SPTLC1: variants seen among roughly 807,000 people sequenced by gnomAD.
SPTLC1 encodes serine palmitoyltransferase 1.
Under a neutral mutation model 68.9 loss-of-function variants are expected in SPTLC1, and 55 were observed. The observed-to-expected ratio is 0.80, with a 90% confidence interval of 0.64 to 1.00. The LOEUF is 1.00. Ranked by LOEUF, SPTLC1 falls within the 50% of genes least tolerant of loss-of-function variation. SPTLC1 has a pLI of 0.00. For missense variants in SPTLC1, 449 were observed against 573.1 expected (o/e 0.78, Z 2.21); for synonymous variants, 197 against 201.6 (o/e 0.98, Z 0.19).
chr9:92,061,647 A>C (rs2118554450), intron 6 of SPTLC1, among the ~76,000 whole-genome samples: 1 of 152,344 alleles, frequency 6.6e-6, no homozygotes, highest in South Asian at 2.1e-4. Flanking sequence ...TGGACAGTTA[A>C]AGCAAAAATT....
At chr9:92,066,705 C>T (rs1453543468) in intron 6 of SPTLC1, among the ~76,000 whole-genome samples, 1 of 152,176 alleles carries the variant, frequency 6.6e-6, no homozygotes, top group Non-Finnish European at 1.5e-5. Flanking sequence ...AAAAAGATTA[C>T]TCTGGCTGTG....
At chr9:92,044,558 A>C (rs925774454) in intron 12 of SPTLC1, among the ~76,000 whole-genome samples, 4 of 152,206 alleles carry the variant, frequency 2.6e-5, no homozygotes, top group Non-Finnish European at 2.9e-5. Flanking sequence ...GAGAGGAGCA[A>C]AGACATGGGG....
intron 2 of SPTLC1, among the ~76,000 whole-genome samples, chr9:92,112,158 C>T (rs931073883): frequency 5.3e-5 from 8 of 152,198 alleles, no homozygotes; most frequent in Admixed American, 4.6e-4. Context: ...TCACACAACA[C>T]TTATGAATAT....
chr9:92,089,519 A>G (rs1167336843), intron 3 of SPTLC1, among the ~76,000 whole-genome samples: 3 of 152,240 alleles, frequency 2.0e-5, no homozygotes, highest in African/African-American at 7.2e-5. Context: ...AAGATAGATT[A>G]AATACCCCAT....
intron 3 of SPTLC1, among the ~76,000 whole-genome samples, chr9:92,083,163 G>A (rs1403780418): frequency 2.0e-5 from 3 of 151,888 alleles, no homozygotes; most frequent in African/African-American, 4.8e-5. Flanking sequence ...TGAGTAGGTT[G>A]TGAAAATTTT....
At chr9:92,077,154 A>G (rs1834710849) in intron 5 of SPTLC1, 1 of 151,916 alleles carries the variant, frequency 6.6e-6, no homozygotes, top group Admixed American at 6.6e-5. Context: ...TTCGAGCCAC[A>G]CCCTGGGAAC....
chr9:92,062,434 A>G (rs1258488733), intron 6 of SPTLC1, among the ~76,000 whole-genome samples: 1 of 152,230 alleles, frequency 6.6e-6, no homozygotes, highest in Non-Finnish European at 1.5e-5. Flanking sequence ...TCCTTCAACA[A>G]CTGATAGAAG....
intron 5 of SPTLC1, among the ~76,000 whole-genome samples, chr9:92,072,658 AT>A (rs1045723589): frequency 4.7e-5 from 7 of 150,094 alleles, no homozygotes; most frequent in African/African-American, 1.7e-4. Context: ...TAAACGTCTA[AT>A]TTTTTTTTTC....
rs987811560 is a variant in SPTLC1 at position 92,032,242 on chromosome 9, T to C, written c.*223A>G. The C allele has an allele frequency of 3.3e-6, 5 of 1,503,520 alleles. No homozygotes were observed. The highest frequency in any genetic ancestry group is 4.2e-5 in the Admixed American group (2 of 47,416). The allele number at this position is 1,503,520 out of a possible 1,614,324, so 93.1% of individuals were successfully genotyped here. A position where few individuals can be genotyped will look rare whatever the true frequency, so the allele number is the denominator to read the frequency against. The stretch of plus-strand genomic sequence containing the variant: ...AGTTATACACTGTCATTAGTTTTCC[T>C]CTTAAAAAAATCAGTTCCTGGGCTT... On this transcript the variant is annotated 3_prime_UTR_variant, in exon 15 of 15. Coordinates refer to ENST00000262554, the MANE Select transcript of SPTLC1 (RefSeq NM_006415.4).
chr9:92,082,518 C>T (rs1466367981), intron 3 of SPTLC1, among the ~76,000 whole-genome samples: 2 of 150,474 alleles, frequency 1.3e-5, no homozygotes, highest in African/African-American at 4.9e-5. Flanking sequence ...CGATAGTTTA[C>T]TGAGAATGAT....
intron 3 of SPTLC1, among the ~76,000 whole-genome samples, chr9:92,096,439 T>TTG (rs1293398805): frequency 1.3e-5 from 2 of 152,180 alleles, no homozygotes; most frequent in East Asian, 3.8e-4. Context: ...TATACAATTT[T>TTG]TATTTAGCAA....
Position 92,080,081 on chromosome 9 carries a change from G to A in SPTLC1, c.362C>T (p.Ala121Val). The A allele has an allele frequency of 6.2e-7, 1 of 1,613,302 alleles. No homozygotes were observed. The highest frequency in any genetic ancestry group is 8.5e-7 in the Non-Finnish European group (1 of 1,179,296). ...LLDNPRVKAA[A>V]LASLKKYGVG... ...GCCATACTTCTTTAGAGATGCTAAA[G>A]CTGCTGCCTTTATTGAAGTACAAGA... The change falls in exon 5 of 15, where the codon GCT (alanine) becomes GTT (valine). Residue 121 changes from alanine to valine, a missense_variant. By Grantham distance (64) the Ala-to-Val change is moderately conservative. Around this residue, in one of 3 missense-constraint regions of SPTLC1, gnomAD observed 391 missense variants for 472.1 expected, o/e 0.83. Coordinates refer to ENST00000262554, the MANE Select transcript of SPTLC1 (RefSeq NM_006415.4).
chr9:92,070,595 C>A (rs951270689), intron 5 of SPTLC1, among the ~76,000 whole-genome samples: 1 of 152,112 alleles, frequency 6.6e-6, no homozygotes, highest in African/African-American at 2.4e-5. Flanking sequence ...GGACAGGAGG[C>A]CTCACTATCT....
Position 92,086,234 on chromosome 9 carries a change from C to T in SPTLC1, c.261-5271G>A, listed in dbSNP as rs1192031176. Among the ~76,000 whole-genome samples, 396 of 151,318 alleles carry T rather than the reference C, an allele frequency of 2.6e-3. 2 individuals are homozygous for T. The highest frequency in any genetic ancestry group is 8.9e-3 in the African/African-American group (369 of 41,442). On this transcript the variant is annotated intron_variant, in intron 3 of 14. Transcript: ENST00000262554. ...GTGTCTTTTAATTGGAGCATTTAGT[C>T]CATTTACATTTAAAGTTAATATTGT...
At chr9:92,053,889 T>C (rs1833793446) in intron 8 of SPTLC1, 1 of 872,534 alleles carries the variant, frequency 1.1e-6, no homozygotes. Context: ...CCTGTACAAT[T>C]TAAATTGGTT....
At chr9:92,084,432 T>C (rs1835028516) in intron 3 of SPTLC1, among the ~76,000 whole-genome samples, 1 of 152,242 alleles carries the variant, frequency 6.6e-6, no homozygotes, top group South Asian at 2.1e-4. Context: ...ACCTAATTTA[T>C]TGAGAGTTTT....
rs1832965035 is a variant in SPTLC1, at chr9:92,031,512, C to T, written c.*953G>A. 1 of 152,074 alleles carries T rather than the reference C, an allele frequency of 6.6e-6. No individual in the cohort carries two copies. Among genetic ancestry groups the T allele is most frequent in the African/African-American group, 2.4e-5 (1 of 41,432 alleles). 9.4% of individuals were successfully genotyped at this position (152,074 alleles called of 1,614,324 possible). A position where few individuals can be genotyped will look rare whatever the true frequency, so the allele number is the denominator to read the frequency against. On this transcript the variant is annotated 3_prime_UTR_variant, in exon 15 of 15. Transcript: ENST00000262554. ...CTGCTTAAAAATGGTATTTTTAGTG[C>T]TTTCACATCTTTTGTAGATATCTGG...
intron 3 of SPTLC1, among the ~76,000 whole-genome samples, chr9:92,093,627 GAC>G (rs1423210349): frequency 6.6e-6 from 1 of 152,150 alleles, no homozygotes; most frequent in Non-Finnish European, 1.5e-5. Context: ...AAAATATAAA[GAC>G]AGTAATAAAT....
At chr9:92,074,945 C>A (rs530805374) in intron 5 of SPTLC1, among the ~76,000 whole-genome samples, 1 of 152,236 alleles carries the variant, frequency 6.6e-6, no homozygotes, top group South Asian at 2.1e-4. Context: ...TGACACCCAC[C>A]AGTCCCAACA....
Sources: gnomAD v4.1 joint callset for allele counts (sites outside exome capture counted in the v4.1 genomes callset) on GRCh38, gnomAD v4.1.1 for gene constraint, gnomAD v4.1.1 regional missense constraint, MANE v1.5 for transcripts, NCBI Gene and HGNC (gene_info 2026-07-23, HGNC 2026-07-21) for gene names.